KIF5A: variants seen among roughly 807,000 people sequenced by gnomAD.
KIF5A encodes the protein kinesin family member 5A.
KIF5A carries 35 observed loss-of-function variants against 141.3 expected under a neutral mutation model. The ratio of observed to expected loss-of-function variants is 0.25; its 90% CI spans 0.19 to 0.33. The LOEUF is 0.33. KIF5A is among the 10% of genes least tolerant of loss of function. KIF5A has a pLI of 1.00. For synonymous variants in KIF5A, 448 were observed against 500.2 expected, an observed-to-expected ratio of 0.90 and a Z score of 1.39; for missense variants, 861 against 1,314.3, an observed-to-expected ratio of 0.66 and a Z score of 5.33.
At chr12:57,565,428 AAAG>A (rs1472503027) in intron 6 of KIF5A, among the ~76,000 whole-genome samples, 6 of 151,956 alleles carry the variant, frequency 3.9e-5, no homozygotes, top group South Asian at 2.1e-4. Context: ...CTTTAAAAAA[AAAG>A]AAGAAAAGAA....
rs1197267041 is a variant in KIF5A at position 57,585,136 on chromosome 12, C to G, written c.*955C>G. ...CCTTTTTTTTTTGTCACAGTGCCCT[C>G]AAGTTGAAGTGATGAGCTGGATTTC... On this transcript the variant is annotated 3_prime_UTR_variant, in exon 29 of 29. Transcript: ENST00000455537. The G allele has an allele frequency of 1.3e-5, 2 of 152,356 alleles. No homozygotes were observed. Among genetic ancestry groups the G allele is most frequent in the Admixed American group, 6.6e-5 (1 of 15,260 alleles). 9.4% of individuals were successfully genotyped at this position (152,356 alleles called of 1,614,324 possible).
chr12:57,576,408 CT>C (rs759913195), intron 19 of KIF5A, 30 bp downstream of exon 19: 1 of 1,540,520 alleles, frequency 6.5e-7, no homozygotes, highest in Non-Finnish European at 9.0e-7. Flanking sequence ...ACTCCAGCCC[CT>C]CCCGGGTCCT....
chr12:57,575,331 G>A, intron 16 of KIF5A, 59 bp downstream of exon 16: 1 of 1,535,290 alleles, frequency 6.5e-7, no homozygotes, highest in Non-Finnish European at 8.9e-7. Context: ...CTACTCTGGG[G>A]TTATGGCTAA....
rs377553514 is a variant in KIF5A, at chr12:57,569,653, C to T, written c.1087C>T (p.Leu363=). Reference sequence around the variant, plus strand: ...GGCCCAGAAGGAGACGATTGCGAAGCTGGAGGCTGAGCTGAGCCGGTGGCG... The same window carrying T: ...GGCCCAGAAGGAGACGATTGCGAAGTTGGAGGCTGAGCTGAGCCGGTGGCG... ...TKAQKETIAK[L]EAELSRWRNG... is the part of the protein sequence containing the mutation. The change falls in exon 11 of 29, where the codon CTG becomes TTG. Residue 363 remains leucine (L), a synonymous_variant. Coordinates refer to ENST00000455537, the MANE Select transcript of KIF5A (RefSeq NM_004984.4). The T allele has an allele frequency of 2.4e-5, 38 of 1,613,866 alleles. No homozygotes were observed. Among genetic ancestry groups the T allele is most frequent in the African/African-American group, 2.1e-4 (16 of 74,926 alleles).
At chr12:57,559,703 A>G (rs938016059) in intron 1 of KIF5A, among the ~76,000 whole-genome samples, 1 of 152,268 alleles carries the variant, frequency 6.6e-6, no homozygotes, top group East Asian at 1.9e-4. Flanking sequence ...TACCACTTGT[A>G]TGTTGTTACC....
chr12:57,569,721 AGAG>A (rs780798777), intron 11 of KIF5A, 38 bp downstream of exon 11: 422 of 1,609,256 alleles, frequency 2.6e-4, no homozygotes, highest in Non-Finnish European at 3.3e-4. Flanking sequence ...GGCAGTGGGA[AGAG>A]GAGGAGGATG....
At chr12:57,552,964 C>T (rs79616943) in intron 1 of KIF5A, among the ~76,000 whole-genome samples, 3,985 of 152,024 alleles carry the variant, frequency 0.026, 165 homozygotes, top group African/African-American at 0.087. Flanking sequence ...GCTCTGTGTG[C>T]CTTTTTTCTC....
At chr12:57,569,151 C>A in intron 9 of KIF5A, 84 bp downstream of exon 9, 2 of 1,555,330 alleles carry the variant, frequency 1.3e-6, no homozygotes, top group East Asian at 2.2e-5. Flanking sequence ...TGATCATGCC[C>A]CAATTCATGG....
intron 1 of KIF5A, among the ~76,000 whole-genome samples, chr12:57,554,020 G>A (rs921908324): frequency 6.6e-6 from 1 of 152,116 alleles, no homozygotes; most frequent in Admixed American, 6.5e-5. Flanking sequence ...TGGGATTGAG[G>A]TTGGAAAAAG....
intron 26 of KIF5A, 48 bp downstream of exon 26, chr12:57,582,000 G>A (rs1376062637): frequency 6.9e-7 from 1 of 1,456,586 alleles, no homozygotes; most frequent in South Asian, 1.1e-5. Context: ...CTCAGGGCAA[G>A]TTGAGAGGCA....
At chr12:57,552,954 G>A (rs994229817) in intron 1 of KIF5A, among the ~76,000 whole-genome samples, 2 of 152,016 alleles carry the variant, frequency 1.3e-5, no homozygotes, top group African/African-American at 4.8e-5. Flanking sequence ...TGGAGAGACA[G>A]CTCTGTGTGC....
chr12:57,575,565 G>C, intron 16 of KIF5A, 75 bp from the exon 17 acceptor site: 1 of 1,220,900 alleles, frequency 8.2e-7, no homozygotes, highest in Non-Finnish European at 1.2e-6. Context: ...AGGAGAGCTG[G>C]AGTTGGAGAT....
rs540768574 is a variant in KIF5A at position 57,569,435 on chromosome 12, G to A, written c.968+31G>A. The A allele has an allele frequency of 4.3e-6, 7 of 1,613,638 alleles. No homozygotes were observed. The East Asian group carries it at 1.3e-4, about 31-fold the overall frequency. On this transcript the variant is annotated intron_variant, in intron 10 of 28. Coordinates refer to ENST00000455537, the MANE Select transcript of KIF5A (RefSeq NM_004984.4). ...TGGCAGGGTCCCCAGAGGGATCCCT[G>A]GTACCCAGCTTCCCATCCCAGCCTC...
In KIF5A at chr12:57,585,100, A is replaced by G. The variant is rs1882719206; in HGVS notation, c.*919A>G. 6.6e-6 allele frequency: 1 copy of G among 152,152 alleles called. No individual in the cohort carries two copies. Among genetic ancestry groups the G allele is most frequent in the Non-Finnish European group, 1.5e-5 (1 of 68,162 alleles). The allele number at this position is 152,152 out of a possible 1,614,324, so 9.4% of individuals were successfully genotyped here. ...TGGGTTTGGGGGTGAATAGGCTGGG[A>G]AATTTCTGAGCCTTTTTTTTTTGTC... On this transcript the variant is annotated 3_prime_UTR_variant, in exon 29 of 29. Coordinates refer to ENST00000455537, the MANE Select transcript of KIF5A (RefSeq NM_004984.4).
intron 3 of KIF5A, 128 bp downstream of exon 3, chr12:57,563,821 G>A: frequency 8.0e-6 from 7 of 869,960 alleles, no homozygotes; most frequent in Middle Eastern, 5.9e-4. Flanking sequence ...TACAGAGGAT[G>A]AACTGAAGGG....
At chr12:57,567,415 TG>T in intron 7 of KIF5A, 78 bp from the exon 8 acceptor site, 2 of 1,108,148 alleles carry the variant, frequency 1.8e-6, no homozygotes, top group South Asian at 1.3e-5. Flanking sequence ...TGGGCGGGGC[TG>T]GGGTCAGTGG....
chr12:57,575,994 A>G (rs1421578272), intron 17 of KIF5A, 93 bp from the exon 18 acceptor site: 3 of 1,275,192 alleles, frequency 2.4e-6, no homozygotes, highest in African/African-American at 2.9e-5. Context: ...CTGTGGGTCC[A>G]TTCCCAGCCC....
At chr12:57,580,011 A>G (rs1882547094) in intron 23 of KIF5A, among the ~76,000 whole-genome samples, 1 of 152,244 alleles carries the variant, frequency 6.6e-6, no homozygotes, top group African/African-American at 2.4e-5. Flanking sequence ...CAGTTAAGAG[A>G]ATCTTAACAG....
In KIF5A at chr12:57,585,793, G is replaced by A. The variant is rs1444177686; in HGVS notation, c.*1612G>A. 1.3e-5 allele frequency: 2 copies of A among 152,164 alleles called. No individual in the cohort carries two copies. The highest frequency in any genetic ancestry group is 2.9e-5 in the Non-Finnish European group (2 of 68,026). 9.4% of individuals were successfully genotyped at this position (152,164 alleles called of 1,614,324 possible). A position where few individuals can be genotyped will look rare whatever the true frequency, so the allele number is the denominator to read the frequency against. ...TAGCAGTTAGGGAGAACTGCAGGGGGAAAAATACCAGTGGAGTGTGGAATA... is the reference window on the plus strand; with the variant it reads ...TAGCAGTTAGGGAGAACTGCAGGGGAAAAAATACCAGTGGAGTGTGGAATA... On this transcript the variant is annotated 3_prime_UTR_variant, in exon 29 of 29. Transcript: ENST00000455537.
Sources: allele counts gnomAD v4.1 joint callset (sites outside exome capture counted in the v4.1 genomes callset), GRCh38; gene constraint gnomAD v4.1.1; transcripts MANE v1.5; gene names NCBI Gene and HGNC (gene_info 2026-07-23, HGNC 2026-07-21).